The following CLN3 variants were observed in gnomAD, a reference collection of about 807,000 sequenced individuals.
The protein encoded by CLN3 is CLN3 lysosomal/endosomal transmembrane protein, battenin.
CLN3 carries 49 observed loss-of-function variants against 60.7 expected under a neutral mutation model. That is an observed-to-expected ratio of 0.81 (90% CI 0.64 to 1.02). CLN3 has a LOEUF of 1.02. CLN3 is among the 50% of genes least tolerant of loss of function. The pLI is 0.00. For synonymous variants in CLN3, 256 were observed against 245.8 expected (o/e 1.04, Z -0.39); for missense variants, 516 against 557.4 (o/e 0.93, Z 0.75).
downstream of CLN3, chr16:28,476,635 T>C (rs894881333): frequency 2.6e-5 from 4 of 152,192 alleles, no homozygotes; most frequent in African/African-American, 9.7e-5. Context: ...GAACAGTGAA[T>C]ACATAGATTT....
rs148846795 is a variant in CLN3 at position 28,486,595 on chromosome 16, G to A, written c.516C>T (p.Leu172=). ...SGLGEVTFLS[L]TAFYPRAVIS... ...CTGCTTACCTGGGGTAGAAGGCAGTGAGGGAGAGGAAGGTGACCTCCCCAA... is the reference window on the plus strand; with the variant it reads ...CTGCTTACCTGGGGTAGAAGGCAGTAAGGGAGAGGAAGGTGACCTCCCCAA... The change falls in exon 8 of 16, where the codon CTC becomes CTT. Residue 172 remains leucine, a synonymous_variant. Transcript: ENST00000636147. 176 of 1,611,296 alleles carry A rather than the reference G, an allele frequency of 1.1e-4. 1 individual carries two copies. In the South Asian group the frequency reaches 1.1e-3, roughly 10 times the overall value.
intron 5 of CLN3, chr16:28,487,965 A>G (rs2046249974): frequency 3.5e-6 from 2 of 565,314 alleles, no homozygotes. Flanking sequence ...TGGGAATATC[A>G]TAGCACCTAG....
At position 28,477,887 on chromosome 16, in the gene CLN3, G is replaced by T. The variant is rs748725731; in HGVS notation, c.1057-10C>A. 6.2e-7 allele frequency: 1 copy of T among 1,613,374 alleles called. No homozygotes were observed. Among genetic ancestry groups the T allele is most frequent in the Non-Finnish European group, 8.5e-7 (1 of 1,179,958 alleles). On this transcript the variant is annotated splice_polypyrimidine_tract_variant and intron_variant, in intron 14 of 15. Transcript: ENST00000636147. ...ACACCAGGTTGAGGCACTGTGAACAGGGGGAGAGGCTAAGCCTGGGACCAG... is the reference window on the plus strand; with the variant it reads ...ACACCAGGTTGAGGCACTGTGAACATGGGGAGAGGCTAAGCCTGGGACCAG...
At chr16:28,484,231 A>T in intron 9 of CLN3, 113 bp from the exon 10 acceptor site, 2 of 762,316 alleles carry the variant, frequency 2.6e-6, no homozygotes, top group South Asian at 2.9e-5. Context: ...ACTTTCAAAG[A>T]TGGGTAGCTC....
chr16:28,468,488 A>G, the CLN3 span, among the ~76,000 whole-genome samples: 1 of 149,840 alleles, frequency 6.7e-6, no homozygotes, highest in South Asian at 2.1e-4. Context: ...TCATTCACAA[A>G]TAAGTATCAA....
chr16:28,472,062 T>G (rs1322720099), downstream of CLN3, among the ~76,000 whole-genome samples: 1 of 152,228 alleles, frequency 6.6e-6, no homozygotes, highest in African/African-American at 2.4e-5. Flanking sequence ...TCACATTTCC[T>G]ATTTTCAAAA....
downstream of CLN3, among the ~76,000 whole-genome samples, chr16:28,472,237 A>G (rs920800043): frequency 6.6e-6 from 1 of 152,040 alleles, no homozygotes; most frequent in Non-Finnish European, 1.5e-5. Flanking sequence ...ACATAGTGAG[A>G]CACCGTCTCT....
downstream of CLN3, chr16:28,477,187 T>C (rs1275330729): frequency 8.2e-6 from 3 of 364,966 alleles, no homozygotes; most frequent in Non-Finnish European, 1.0e-5. Flanking sequence ...TCTGCTGACA[T>C]ACCTTCTTTA....
At chr16:28,489,836 C>T (rs926583772) in intron 3 of CLN3, among the ~76,000 whole-genome samples, 3 of 152,012 alleles carry the variant, frequency 2.0e-5, no homozygotes, top group East Asian at 1.9e-4. Flanking sequence ...GCGGGCGGAT[C>T]GCCTGAGGTC....
chr16:28,490,759 C>CAAAAAA (rs772260404), intron 3 of CLN3, among the ~76,000 whole-genome samples: 4 of 55,102 alleles, frequency 7.3e-5, no homozygotes, highest in African/African-American at 2.2e-4. Context: ...GACTCCGTCT[C>CAAAAAA]AAAAAAAAAA....
chr16:28,490,048 A>G (rs2046287724), intron 3 of CLN3, among the ~76,000 whole-genome samples: 1 of 130,236 alleles, frequency 7.7e-6, no homozygotes, highest in Admixed American at 8.5e-5. Flanking sequence ...CAAGAGCGAG[A>G]CTCTATCTCA....
chr16:28,467,627 G>A, the CLN3 span, among the ~76,000 whole-genome samples: 2 of 147,296 alleles, frequency 1.4e-5, no homozygotes, highest in Non-Finnish European at 3.0e-5. Flanking sequence ...ACCCAGGCTG[G>A]AGTGCAGTGG....
At chr16:28,468,798 C>T in the CLN3 span, among the ~76,000 whole-genome samples, 1 of 85,028 alleles carries the variant, frequency 1.2e-5, no homozygotes, top group Non-Finnish European at 2.5e-5. Flanking sequence ...CAGAGTGAGA[C>T]TCTGTCTCAA....
Position 28,482,532 on chromosome 16 carries a change from T to A in CLN3, c.851A>T (p.Tyr284Phe). The change falls in exon 12 of 16, where the codon TAC becomes TTC. Residue 284 changes from tyrosine to phenylalanine, a missense_variant. Tyr to Phe is a conservative substitution (Grantham distance 22). Transcript: ENST00000636147. ...RWTVFKGLLW[Y>F]IVPLVVVYFA... The stretch of plus-strand genomic sequence containing the variant: ...GTAAACTACGACCAAGGGAACAATG[T>A]ACCACAGCAGACCCTGGAAAAGGCA... 1 of 1,614,128 alleles carries A rather than the reference T, an allele frequency of 6.2e-7. No homozygotes were observed. Among genetic ancestry groups the A allele is most frequent in the Non-Finnish European group, 8.5e-7 (1 of 1,180,022 alleles).
chr16:28,480,749 T>A (rs1457546056), intron 14 of CLN3, among the ~76,000 whole-genome samples: 1 of 152,178 alleles, frequency 6.6e-6, no homozygotes, highest in African/African-American at 2.4e-5. Context: ...CTGTCACAGT[T>A]GACAGTTTAT....
At position 28,482,684 on chromosome 16, in the gene CLN3, C is replaced by T. The variant is rs1390033949; in HGVS notation, c.791-12G>A. On this transcript the variant is annotated splice_polypyrimidine_tract_variant and intron_variant, in intron 10 of 15. Transcript: ENST00000636147. ...GCTGGAGCTGGAGCCTGCAGGGGAA[C>T]AGAGAGAGAAGGGCAGATGAAGTTT... is the stretch of plus-strand genomic sequence containing the variant. The T allele has an allele frequency of 6.2e-7, 1 of 1,613,966 alleles. No individual in the cohort carries two copies. The highest frequency in any genetic ancestry group is 1.3e-5 in the African/African-American group (1 of 74,900).
At chr16:28,472,366 G>A (rs1045616666), downstream of CLN3, among the ~76,000 whole-genome samples, 12 of 151,946 alleles carry the variant, frequency 7.9e-5, no homozygotes, top group African/African-American at 1.2e-4. Flanking sequence ...TCCATCCTGG[G>A]TGACAAAAAC....
chr16:28,488,352 T>C (rs1287459784), intron 5 of CLN3: 2 of 287,524 alleles, frequency 7.0e-6, no homozygotes, highest in East Asian at 1.2e-4. Flanking sequence ...TTTAATTTTT[T>C]TCTTTAAGAT....
At chr16:28,473,517 C>G (rs1035387438), downstream of CLN3, among the ~76,000 whole-genome samples, 2 of 152,222 alleles carry the variant, frequency 1.3e-5, no homozygotes, top group East Asian at 3.9e-4. Flanking sequence ...GCATGAGCCA[C>G]TGCACCTGGC....
Sources: gnomAD v4.1 joint callset for allele counts (sites outside exome capture counted in the v4.1 genomes callset) on GRCh38, gnomAD v4.1.1 for gene constraint, MANE v1.5 for transcripts, NCBI Gene and HGNC (gene_info 2026-07-23, HGNC 2026-07-21) for gene names.